Variants in ZKSCAN1 observed in about 807,000 individuals in gnomAD.
ZKSCAN1 encodes the protein zinc finger protein with KRAB and SCAN domains 1.
Under a neutral mutation model 51.6 loss-of-function variants are expected in ZKSCAN1, and 14 were observed. That is an observed-to-expected ratio of 0.27 (90% CI 0.18 to 0.42). The LOEUF is 0.42. ZKSCAN1 is among the 10% of genes least tolerant of loss of function. The pLI is 1.00. For synonymous variants in ZKSCAN1, 263 were observed against 261.5 expected, an observed-to-expected ratio of 1.01 and a Z score of -0.06; for missense variants, 531 against 710.0, an observed-to-expected ratio of 0.75 and a Z score of 2.86.
rs1396255717 is a variant in ZKSCAN1, at chr7:100,024,320, G to A, written c.580+13G>A. ...TTACAGTCACGAGGTAAGAAGCAAG[G>A]TTTCATTTAGGGGAAGGGAAATGAT... On this transcript the variant is annotated intron_variant, in intron 3 of 5. Coordinates refer to ENST00000324306, the MANE Select transcript of ZKSCAN1 (RefSeq NM_003439.4). 3 of 1,613,396 alleles carry A rather than the reference G, an allele frequency of 1.9e-6. No homozygotes were observed. In the South Asian group the frequency reaches 3.3e-5, roughly 18 times the overall value.
rs902998070 is a variant in ZKSCAN1 at position 100,040,698 on chromosome 7, G to A, written c.*6501G>A. On this transcript the variant is annotated 3_prime_UTR_variant, in exon 6 of 6. Transcript: ENST00000324306. ...CGGCCCCACACTCCAGGCTGAGAAA[G>A]AGTAATTAGGAGGCCTGAGGAGGGG... is the stretch of plus-strand genomic sequence containing the variant. The A allele has an allele frequency of 2.0e-6, 2 of 985,374 alleles. No individual in the cohort carries two copies. The highest frequency in any genetic ancestry group is 3.5e-5 in the African/African-American group (2 of 57,248). 61.0% of individuals were successfully genotyped at this position (985,374 alleles called of 1,614,324 possible). A position where few individuals can be genotyped will look rare whatever the true frequency, so the allele number is the denominator to read the frequency against.
In ZKSCAN1 at chr7:100,040,335, G is replaced by A; in HGVS notation, c.*6138G>A. The A allele has an allele frequency of 6.1e-6, 6 of 985,380 alleles. No individual in the cohort carries two copies. The highest frequency in any genetic ancestry group is 7.2e-6 in the Non-Finnish European group (6 of 829,916). The allele number at this position is 985,380 out of a possible 1,614,324, so 61.0% of individuals were successfully genotyped here. Reference sequence around the variant, plus strand: ...TCTAAATCATGGTCTCTGACAATTTGAATCTGAGATTCTCACCTCCATTTA... The same window carrying A: ...TCTAAATCATGGTCTCTGACAATTTAAATCTGAGATTCTCACCTCCATTTA... On this transcript the variant is annotated 3_prime_UTR_variant, in exon 6 of 6. Transcript: ENST00000324306.
chr7:100,018,877 T>G (rs1790483351), intron 1 of ZKSCAN1, among the ~76,000 whole-genome samples: 1 of 152,168 alleles, frequency 6.6e-6, no homozygotes, highest in Admixed American at 6.5e-5. Context: ...TCTGTCCCAG[T>G]TGTGGGCAGA....
intron 1 of ZKSCAN1, among the ~76,000 whole-genome samples, chr7:100,023,170 C>T (rs1790660964): frequency 6.6e-6 from 1 of 152,070 alleles, no homozygotes; most frequent in African/African-American, 2.4e-5. Context: ...GCCACCATGC[C>T]CTGCTGACTT....
chr7:100,024,560 C>G (rs558801268), intron 3 of ZKSCAN1: 3 of 439,300 alleles, frequency 6.8e-6, no homozygotes, highest in East Asian at 4.7e-5. Context: ...TGCCACTACT[C>G]CAACCTGGGC....
At chr7:100,027,130 G>A (rs1192916601) in intron 3 of ZKSCAN1, among the ~76,000 whole-genome samples, 1 of 151,970 alleles carries the variant, frequency 6.6e-6, no homozygotes, top group African/African-American at 2.4e-5. Context: ...AACGCCGTCT[G>A]TACTAAAAAT....
At position 100,034,328 on chromosome 7, in the gene ZKSCAN1, C is replaced by T. The variant is rs1791255082; in HGVS notation, c.*131C>T. On this transcript the variant is annotated 3_prime_UTR_variant, in exon 6 of 6. Coordinates refer to ENST00000324306, the MANE Select transcript of ZKSCAN1 (RefSeq NM_003439.4). ...ACAAAAGTCACACTTAAGGATCCTTCTAGTCACATCAGCAGTGTTCTGCCT... is the reference window on the plus strand; with the variant it reads ...ACAAAAGTCACACTTAAGGATCCTTTTAGTCACATCAGCAGTGTTCTGCCT... The T allele has an allele frequency of 1.4e-6, 2 of 1,464,090 alleles. No homozygotes were observed. Among genetic ancestry groups the T allele is most frequent in the African/African-American group, 1.4e-5 (1 of 70,886 alleles). 90.7% of individuals were successfully genotyped at this position (1,464,090 alleles called of 1,614,324 possible). A position where few individuals can be genotyped will look rare whatever the true frequency, so the allele number is the denominator to read the frequency against.
At chr7:100,018,156 G>A (rs2115807712) in intron 1 of ZKSCAN1, among the ~76,000 whole-genome samples, 1 of 152,270 alleles carries the variant, frequency 6.6e-6, no homozygotes, top group South Asian at 2.1e-4. Context: ...AGTAAGGGGT[G>A]GAGCAGCTTT....
chr7:100,029,770 G>C, intron 3 of ZKSCAN1, 91 bp from the exon 4 acceptor site: 3 of 1,208,118 alleles, frequency 2.5e-6, no homozygotes, highest in Non-Finnish European at 3.6e-6. Context: ...CAGTGAACAT[G>C]CTGGTGCAGG....
rs1418969013 is a variant in ZKSCAN1 at position 100,041,343 on chromosome 7, G to GTC, written c.*7147_*7148insCT. On this transcript the variant is annotated 3_prime_UTR_variant, in exon 6 of 6. Coordinates refer to ENST00000324306, the MANE Select transcript of ZKSCAN1 (RefSeq NM_003439.4). ...CGTGATTTTTTTTTTAATTGAATGT[G>GTC]TTCATTTAAAATCCTCCTTAACATT... 1.0e-6 allele frequency: 1 copy of GTC among 984,660 alleles called. No individual in the cohort carries two copies. The highest frequency in any genetic ancestry group is 1.8e-5 in the African/African-American group (1 of 57,110). 61.0% of individuals were successfully genotyped at this position (984,660 alleles called of 1,614,324 possible).
chr7:100,028,085 T>G (rs1790921539), intron 3 of ZKSCAN1, among the ~76,000 whole-genome samples: 1 of 152,182 alleles, frequency 6.6e-6, no homozygotes, highest in African/African-American at 2.4e-5. Context: ...CTGGGCGCAG[T>G]GACTCACGCC....
At position 100,039,788 on chromosome 7, in the gene ZKSCAN1, G is replaced by C. The variant is rs1791517549; in HGVS notation, c.*5591G>C. The C allele has an allele frequency of 1.0e-6, 1 of 985,466 alleles. No homozygotes were observed. Among genetic ancestry groups the C allele is most frequent in the African/African-American group, 1.7e-5 (1 of 57,370 alleles). The allele number at this position is 985,466 out of a possible 1,614,324, so 61.0% of individuals were successfully genotyped here. On this transcript the variant is annotated 3_prime_UTR_variant, in exon 6 of 6. Coordinates refer to ENST00000324306, the MANE Select transcript of ZKSCAN1 (RefSeq NM_003439.4). ...TCTGAGCAACTTCTCAGAGATACGA[G>C]GGGGCTAGGGTTTTCCCATCTGGGA...
chr7:100,029,072 G>A (rs967107135), intron 3 of ZKSCAN1, among the ~76,000 whole-genome samples: 8 of 151,382 alleles, frequency 5.3e-5, no homozygotes, highest in African/African-American at 1.9e-4. Context: ...GCTGAGGCAG[G>A]AGAATCACTT....
At position 100,038,452 on chromosome 7, in the gene ZKSCAN1, C is replaced by G. The variant is rs1414632919; in HGVS notation, c.*4255C>G. 9.1e-6 allele frequency: 9 copies of G among 985,306 alleles called. No individual in the cohort carries two copies. The highest frequency in any genetic ancestry group is 1.7e-5 in the African/African-American group (1 of 57,228). The allele number at this position is 985,306 out of a possible 1,614,324, so 61.0% of individuals were successfully genotyped here. A position where few individuals can be genotyped will look rare whatever the true frequency, so the allele number is the denominator to read the frequency against. ...TGAGGAAAGACAGGCTAATGGGGCA[C>G]TGAAATGGAACAACTCCTTTAAACG... On this transcript the variant is annotated 3_prime_UTR_variant, in exon 6 of 6. Transcript: ENST00000324306.
rs1791247675 is a variant in ZKSCAN1 at position 100,034,187 on chromosome 7, G to A, written c.1682G>A (p.Ser561Asn). The A allele has an allele frequency of 6.6e-7, 1 of 1,504,544 alleles. No individual in the cohort carries two copies. The allele number at this position is 1,504,544 out of a possible 1,614,324, so 93.2% of individuals were successfully genotyped here. Residue 561 changes from serine (S) to asparagine (N), a missense_variant, in exon 6 of 6, where the codon AGT becomes AAT. This residue lies in a region of ZKSCAN1 where 128 missense variants were observed against 219.5 expected (regional missense o/e 0.58). Transcript: ENST00000324306. ...SLDAFGAFLK[S>N]CV ...GATGCATTTGGCGCGTTCCTGAAAAGTTGTGTGTAAAGGAAGAATTTGCCA... is the reference window on the plus strand; with the variant it reads ...GATGCATTTGGCGCGTTCCTGAAAAATTGTGTGTAAAGGAAGAATTTGCCA...
At position 100,023,767 on chromosome 7, in the gene ZKSCAN1, A is replaced by G; in HGVS notation, c.261A>G (p.Pro87=). 6.2e-7 allele frequency: 1 copy of G among 1,614,230 alleles called. No individual in the cohort carries two copies. The highest frequency in any genetic ancestry group is 8.5e-7 in the Non-Finnish European group (1 of 1,180,048). Reference sequence around the variant, plus strand: ...AACTTTGTCATCAGTGGCTGCGGCCAGAAATAAACACCAAGGAACAGATCC... The same window carrying G: ...AACTTTGTCATCAGTGGCTGCGGCCGGAAATAAACACCAAGGAACAGATCC... ...LKELCHQWLR[P]EINTKEQILE... The change falls in exon 2 of 6, where the codon CCA becomes CCG. Residue 87 remains proline (P), a synonymous_variant. Transcript: ENST00000324306.
chr7:100,034,505 C>T lies in ZKSCAN1; in HGVS notation c.*308C>T, dbSNP rs1216913263. The T allele has an allele frequency of 9.4e-7, 1 of 1,069,344 alleles. No individual in the cohort carries two copies. The highest frequency in any genetic ancestry group is 1.1e-6 in the Non-Finnish European group (1 of 883,460). The allele number at this position is 1,069,344 out of a possible 1,614,324, so 66.2% of individuals were successfully genotyped here. ...CAGTAATGAGGATACCTTTAAGGCA[C>T]TCTTGGACTCTCGGCAACCACAACA... is the stretch of plus-strand genomic sequence containing the variant. On this transcript the variant is annotated 3_prime_UTR_variant, in exon 6 of 6. Transcript: ENST00000324306.
chr7:100,030,483 C>CTA, intron 5 of ZKSCAN1, 108 bp downstream of exon 5: 1 of 1,340,114 alleles, frequency 7.5e-7, no homozygotes. Context: ...TAGAGACTAC[C>CTA]TATCCCCTTT....
chr7:100,030,945 T>A (rs1791079423), intron 5 of ZKSCAN1, among the ~76,000 whole-genome samples: 1 of 152,224 alleles, frequency 6.6e-6, no homozygotes, highest in South Asian at 2.1e-4. Flanking sequence ...TAATGGTGAT[T>A]TTCTATGAAG....
Sources: gnomAD v4.1 joint callset for allele counts (sites outside exome capture counted in the v4.1 genomes callset) on GRCh38, gnomAD v4.1.1 for gene constraint, gnomAD v4.1.1 regional missense constraint, MANE v1.5 for transcripts, NCBI Gene and HGNC (gene_info 2026-07-23, HGNC 2026-07-21) for gene names.